Variants in ATP2B2 observed in about 807,000 individuals in gnomAD.
The protein encoded by ATP2B2 is plasma membrane calcium-transporting ATPase 2.
Under a neutral mutation model 120.0 loss-of-function variants are expected in ATP2B2, and 15 were observed. The ratio of observed to expected loss-of-function variants is 0.12; its 90% CI spans 0.08 to 0.19. The LOEUF is 0.19. Ranked by LOEUF, ATP2B2 falls within the 10% of genes least tolerant of loss-of-function variation. ATP2B2 has a pLI of 1.00. For synonymous variants in ATP2B2, 694 were observed against 700.3 expected, an observed-to-expected ratio of 0.99 and a Z score of 0.14; for missense variants, 1,045 against 1,719.8, an observed-to-expected ratio of 0.61 and a Z score of 6.94.
chr3:10,654,779 TA>T (rs3030786), intron 1 of ATP2B2, among the ~76,000 whole-genome samples: 72,005 of 143,378 alleles, frequency 0.5, 19,262 homozygotes, highest in Non-Finnish European at 0.62. Flanking sequence ...GGGAAGCTGG[TA>T]AAAAAAAAAA....
At chr3:10,694,315 G>T (rs554115011) in intron 1 of ATP2B2, among the ~76,000 whole-genome samples, 1 of 152,146 alleles carries the variant, frequency 6.6e-6, no homozygotes, top group African/African-American at 2.4e-5. Context: ...CTTTACAGCC[G>T]AATGGCTCTC....
chr3:10,578,399 T>A (rs894867153), intron 2 of ATP2B2, among the ~76,000 whole-genome samples: 6 of 149,522 alleles, frequency 4.0e-5, no homozygotes, highest in Non-Finnish European at 5.9e-5. Flanking sequence ...TACAAAAAAT[T>A]AACCAGGTGT....
At chr3:10,407,020 C>G (rs533285144) in intron 3 of ATP2B2, among the ~76,000 whole-genome samples, 14 of 152,348 alleles carry the variant, frequency 9.2e-5, no homozygotes, top group East Asian at 3.9e-4. Context: ...TGCCTGCCCC[C>G]AGACCTGACC....
rs2060321955 is a variant in ATP2B2, at chr3:10,342,924, G to A, written c.2745C>T (p.Leu915=). 6.2e-7 allele frequency: 1 copy of A among 1,614,044 alleles called. No homozygotes were observed. Among genetic ancestry groups the A allele is most frequent in the Non-Finnish European group, 8.5e-7 (1 of 1,180,026 alleles). The change falls in exon 19 of 23, where the codon CTC becomes CTT. Residue 915 remains leucine, a synonymous_variant. Transcript: ENST00000360273. The surrounding 1 kb of genome is among the most constrained non-coding windows in gnomAD (Gnocchi z 4.4). ...LKAVQMLWVN[L]IMDTFASLAL... Reference sequence around the variant, plus strand: ...CCAGCGAGGCAAACGTGTCCATGATGAGGTTCACCCAGAGCATCTGCACGG... The same window carrying A: ...CCAGCGAGGCAAACGTGTCCATGATAAGGTTCACCCAGAGCATCTGCACGG...
intron 1 of ATP2B2, among the ~76,000 whole-genome samples, chr3:10,633,286 C>T (rs960013907): frequency 3.3e-5 from 5 of 152,184 alleles, no homozygotes; most frequent in South Asian, 4.1e-4. Flanking sequence ...ATTTCTCCCA[C>T]CCTGCCTCCG....
At chr3:10,407,235 G>A (rs576623074) in intron 3 of ATP2B2, among the ~76,000 whole-genome samples, 1 of 152,320 alleles carries the variant, frequency 6.6e-6, no homozygotes, top group South Asian at 2.1e-4. Context: ...GCTCAGGGCT[G>A]AGGATGTCCA....
chr3:10,362,353 TC>T (rs1486222792), intron 12 of ATP2B2, among the ~76,000 whole-genome samples: 1 of 152,176 alleles, frequency 6.6e-6, no homozygotes, highest in Non-Finnish European at 1.5e-5. Flanking sequence ...TATTCTTCCC[TC>T]TTCTGCAGCT....
intron 10 of ATP2B2, among the ~76,000 whole-genome samples, chr3:10,377,228 T>C (rs538339423): frequency 1.5e-3 from 234 of 152,200 alleles, no homozygotes; most frequent in Non-Finnish European, 2.8e-3. Flanking sequence ...GATGGCGGTA[T>C]AGAGGATAGA....
upstream of ATP2B2, among the ~76,000 whole-genome samples, chr3:10,507,126 G>A (rs562584470): frequency 2.8e-4 from 42 of 152,188 alleles, no homozygotes; most frequent in Admixed American, 1.2e-3. Flanking sequence ...GTCAAGGGCC[G>A]GGTGGTCATT....
chr3:10,358,405 A>T (rs2060800646), intron 14 of ATP2B2, among the ~76,000 whole-genome samples: 1 of 152,208 alleles, frequency 6.6e-6, no homozygotes, highest in Non-Finnish European at 1.5e-5. Flanking sequence ...GACCAGAGGG[A>T]AGAGCTCATG....
rs976574331 is a variant in ATP2B2 at position 10,340,474 on chromosome 3, A to C, written c.3129+19T>G. The C allele has an allele frequency of 6.2e-7, 1 of 1,614,108 alleles. No individual in the cohort carries two copies. Among genetic ancestry groups the C allele is most frequent in the Admixed American group, 1.7e-5 (1 of 60,030 alleles). ...CTTGCTGCCCACCCCGGGCCTGGTTAGGGTGGGGGCCTCACTACCTGGATG... is the reference window on the plus strand; with the variant it reads ...CTTGCTGCCCACCCCGGGCCTGGTTCGGGTGGGGGCCTCACTACCTGGATG... On this transcript the variant is annotated intron_variant, in intron 20 of 22. Coordinates refer to ENST00000360273, the MANE Select transcript of ATP2B2 (RefSeq NM_001001331.4). The surrounding 1 kb of genome is among the most constrained non-coding windows in gnomAD (Gnocchi z 5.0).
At chr3:10,411,844 G>T (rs1170466636) in intron 2 of ATP2B2, among the ~76,000 whole-genome samples, 1 of 152,208 alleles carries the variant, frequency 6.6e-6, no homozygotes, top group African/African-American at 2.4e-5. Context: ...CTGGACAAGG[G>T]AGTGAGGTGT....
intron 3 of ATP2B2, among the ~76,000 whole-genome samples, chr3:10,525,934 A>G (rs1034607096): frequency 6.6e-6 from 1 of 152,210 alleles, no homozygotes; most frequent in African/African-American, 2.4e-5. Flanking sequence ...TATTCATTAC[A>G]CAGTAGATGA....
At chr3:10,563,218 C>T (rs1004508706) in intron 2 of ATP2B2, among the ~76,000 whole-genome samples, 1 of 152,214 alleles carries the variant, frequency 6.6e-6, no homozygotes, top group African/African-American at 2.4e-5. Context: ...GAAGGAGACG[C>T]TATCAACACT....
At chr3:10,350,682 A>C in intron 14 of ATP2B2, 105 bp from the exon 15 acceptor site, 1 of 1,246,212 alleles carries the variant, frequency 8.0e-7, no homozygotes, top group Non-Finnish European at 1.1e-6. Flanking sequence ...CTCTACTGAA[A>C]GGGGACTAGA....
At chr3:10,355,849 G>A (rs2060705084) in intron 14 of ATP2B2, among the ~76,000 whole-genome samples, 1 of 38,028 alleles carries the variant, frequency 2.6e-5, no homozygotes, top group African/African-American at 9.1e-5. Context: ...CGAGGCGGGC[G>A]GATCACGAGG....
At chr3:10,649,204 TG>T (rs2070392043) in intron 1 of ATP2B2, among the ~76,000 whole-genome samples, 1 of 152,242 alleles carries the variant, frequency 6.6e-6, no homozygotes, top group Non-Finnish European at 1.5e-5. Context: ...CTACCACATC[TG>T]GCATAAATTT....
At chr3:10,567,621 A>G (rs966817894) in intron 2 of ATP2B2, among the ~76,000 whole-genome samples, 3 of 152,218 alleles carry the variant, frequency 2.0e-5, no homozygotes, top group African/African-American at 7.2e-5. Context: ...ATTTCATGAG[A>G]AAATTCATGC....
chr3:10,466,473 A>C (rs1337046647), intron 1 of ATP2B2, among the ~76,000 whole-genome samples: 1 of 152,162 alleles, frequency 6.6e-6, no homozygotes, highest in Non-Finnish European at 1.5e-5. Context: ...GTGGGGTGTG[A>C]GGAAGCAATT....
Sources: gnomAD v4.1 joint callset for allele counts (sites outside exome capture counted in the v4.1 genomes callset) on GRCh38, gnomAD v4.1.1 for gene constraint, Gnocchi (gnomAD v3.1) non-coding constraint, MANE v1.5 for transcripts, NCBI Gene and HGNC (gene_info 2026-07-23, HGNC 2026-07-21) for gene names.